Variants in NAV2 observed in about 807,000 individuals in gnomAD.
NAV2 encodes helicase, APC down-regulated 1.
Under a neutral mutation model 223.2 loss-of-function variants are expected in NAV2, and 54 were observed. The observed-to-expected ratio is 0.24, with a 90% CI of 0.19 to 0.30. The LOEUF (loss-of-function observed/expected upper bound fraction) is 0.30, where lower values mean the gene tolerates loss of function less well. Ranked by LOEUF, NAV2 falls within the 10% of genes least tolerant of loss-of-function variation. NAV2 has a pLI of 1.00. For missense variants in NAV2, 2,806 were observed against 3,147.5 expected (o/e 0.89, Z 2.60); for synonymous variants, 1,279 against 1,239.3 (o/e 1.03, Z -0.67).
At chr11:19,748,742 C>G (rs572029282) in intron 1 of NAV2, among the ~76,000 whole-genome samples, 1 of 151,870 alleles carries the variant, frequency 6.6e-6, no homozygotes, top group Non-Finnish European at 1.5e-5. Context: ...CTGTTAGGAA[C>G]GGGGCAGGGA....
At chr11:19,996,375 C>A (rs2051886522) in intron 11 of NAV2, among the ~76,000 whole-genome samples, 1 of 152,200 alleles carries the variant, frequency 6.6e-6, no homozygotes, top group Non-Finnish European at 1.5e-5. Flanking sequence ...TTAAGCCAGT[C>A]CGCCTTCCAG....
chr11:19,889,470 A>T (rs2041304696), intron 5 of NAV2, among the ~76,000 whole-genome samples: 1 of 151,904 alleles, frequency 6.6e-6, no homozygotes, highest in African/African-American at 2.4e-5. Flanking sequence ...TGTAGAGGCG[A>T]TAGTGGTCAA....
At chr11:19,774,174 G>GTT (rs1352326935) in intron 1 of NAV2, among the ~76,000 whole-genome samples, 1 of 152,138 alleles carries the variant, frequency 6.6e-6, no homozygotes, top group Non-Finnish European at 1.5e-5. Flanking sequence ...CTTGTGCATT[G>GTT]TTCTTTTCTT....
At chr11:19,877,558 C>T (rs900964180) in intron 4 of NAV2, among the ~76,000 whole-genome samples, 60 of 145,920 alleles carry the variant, frequency 4.1e-4, no homozygotes, top group African/African-American at 1.2e-3. Flanking sequence ...CTGCAAGCTC[C>T]GCCTCCCGGG....
At chr11:19,709,035 T>G (rs117883176), upstream of NAV2, among the ~76,000 whole-genome samples, 841 of 152,192 alleles carry the variant, frequency 5.5e-3, 42 homozygotes, top group East Asian at 0.12. Context: ...TGATTTAAAA[T>G]GACGTTTTTC....
chr11:19,368,662 T>TA (rs1263869181), intron 1 of NAV2, among the ~76,000 whole-genome samples: 1 of 152,230 alleles, frequency 6.6e-6, no homozygotes, highest in African/African-American at 2.4e-5. Flanking sequence ...CAGGAACTGT[T>TA]ACGGTTTATA....
chr11:19,355,219 G>A (rs1380055371), intron 1 of NAV2, among the ~76,000 whole-genome samples: 2 of 150,548 alleles, frequency 1.3e-5, no homozygotes, highest in African/African-American at 4.9e-5. Flanking sequence ...TTCCCACAGC[G>A]GATGAACATT....
intron 1 of NAV2, among the ~76,000 whole-genome samples, chr11:19,460,766 A>G (rs1338583379): frequency 1.3e-5 from 2 of 152,158 alleles, no homozygotes; most frequent in Non-Finnish European, 2.9e-5. Flanking sequence ...GCGCACATGT[A>G]TCTTAGAACT....
At chr11:19,666,513 G>A (rs74383051) in intron 1 of NAV2, among the ~76,000 whole-genome samples, 3,261 of 152,102 alleles carry the variant, frequency 0.021, 113 homozygotes, top group African/African-American at 0.064. Context: ...AGTGTGGGTG[G>A]CCTGAGCTCT....
chr11:19,690,226 T>G (rs1183116244), intron 1 of NAV2, among the ~76,000 whole-genome samples: 4 of 152,218 alleles, frequency 2.6e-5, no homozygotes, highest in African/African-American at 9.6e-5. Context: ...CCTCCCAAAG[T>G]GCTGGAATTA....
intron 1 of NAV2, among the ~76,000 whole-genome samples, chr11:19,504,696 G>A (rs746758983): frequency 6.6e-6 from 1 of 152,166 alleles, no homozygotes; most frequent in Non-Finnish European, 1.5e-5. Context: ...ACAGTTTATA[G>A]TAACCAACAG....
intron 1 of NAV2, among the ~76,000 whole-genome samples, chr11:19,476,846 C>T (rs1277458394): frequency 6.6e-6 from 1 of 152,190 alleles, no homozygotes. Flanking sequence ...CCAGGATGGT[C>T]CTCCCGGTAC....
At position 19,939,680 on chromosome 11, in the gene NAV2, G is replaced by A. The variant is rs2046235470; in HGVS notation, c.2053G>A (p.Gly685Arg). The change falls in exon 8 of 38, where the codon GGG becomes AGG. Residue 685 changes from glycine to arginine, a missense_variant. This residue lies in a region of NAV2 where 1,167 missense variants were observed against 1,180.5 expected (regional missense o/e 0.99). Transcript: ENST00000349880. ...FLYRSQTDTE[G>R]NVTAESSSTG... is the part of the protein sequence containing the mutation. ...GTGAAGGTCTCAGACGGACACTGAA[G>A]GGAATGTTACTGCCGAGTCAAGCTC... The A allele has an allele frequency of 1.9e-6, 3 of 1,614,138 alleles. No homozygotes were observed. The highest frequency in any genetic ancestry group is 2.5e-6 in the Non-Finnish European group (3 of 1,179,992).
intron 1 of NAV2, among the ~76,000 whole-genome samples, chr11:19,524,773 C>T (rs1431421815): frequency 1.3e-5 from 2 of 152,206 alleles, no homozygotes; most frequent in African/African-American, 4.8e-5. Flanking sequence ...TTTTCCTAAG[C>T]TCTAAGGACT....
At chr11:19,625,696 C>G (rs2047149714) in intron 1 of NAV2, among the ~76,000 whole-genome samples, 1 of 152,196 alleles carries the variant, frequency 6.6e-6, no homozygotes, top group African/African-American at 2.4e-5. Flanking sequence ...TTCTCTGTAT[C>G]TTTGCCAACA....
At chr11:19,636,418 A>G (rs1216858907) in intron 1 of NAV2, among the ~76,000 whole-genome samples, 1 of 151,976 alleles carries the variant, frequency 6.6e-6, no homozygotes, top group Non-Finnish European at 1.5e-5. Context: ...GACTTACTTT[A>G]TACCAGGAGA....
At chr11:20,052,364 C>T (rs917444848) in intron 17 of NAV2, among the ~76,000 whole-genome samples, 2 of 152,222 alleles carry the variant, frequency 1.3e-5, no homozygotes, top group African/African-American at 4.8e-5. Flanking sequence ...AATCTCCCAA[C>T]AGTCATCCTG....
At chr11:20,089,663 G>A (rs2060690949) in intron 26 of NAV2, among the ~76,000 whole-genome samples, 1 of 152,198 alleles carries the variant, frequency 6.6e-6, no homozygotes, top group South Asian at 2.1e-4. Flanking sequence ...AAATGTCAAA[G>A]CTTTCTATTC....
chr11:20,080,304 A>G (rs1377608344), intron 25 of NAV2, 95 bp downstream of exon 25: 1 of 1,230,380 alleles, frequency 8.1e-7, no homozygotes, highest in East Asian at 2.5e-5. Context: ...CCCAGCTACT[A>G]TCTGTGGAAC....
Sources: allele counts gnomAD v4.1 joint callset (sites outside exome capture counted in the v4.1 genomes callset), GRCh38; gene constraint gnomAD v4.1.1; regional missense constraint gnomAD v4.1.1; transcripts MANE v1.5; gene names NCBI Gene and HGNC (gene_info 2026-07-23, HGNC 2026-07-21).